Variants in SMYD3 observed in about 807,000 individuals in gnomAD.
The protein encoded by SMYD3 is SET and MYND domain containing 3.
In SMYD3, 36 loss-of-function variants were observed where a neutral mutation model predicts 57.7. The observed-to-expected ratio is 0.62, with a 90% CI of 0.48 to 0.82. The LOEUF is 0.82. Ranked by LOEUF, SMYD3 falls within the 40% of genes least tolerant of loss-of-function variation. The probability of loss-of-function intolerance (pLI) is 0.00; values close to 1 mark genes in which losing one functional copy is unlikely to be tolerated. For missense variants in SMYD3, 515 were observed against 538.8 expected, an observed-to-expected ratio of 0.96 and a Z score of 0.44; for synonymous variants, 211 against 195.0, an observed-to-expected ratio of 1.08 and a Z score of -0.68.
chr1:246,070,705 T>C (rs2060428097), intron 5 of SMYD3, among the ~76,000 whole-genome samples: 1 of 152,182 alleles, frequency 6.6e-6, no homozygotes, highest in Admixed American at 6.5e-5. Flanking sequence ...TGTGTTTACG[T>C]TCACCTAAGC....
intron 5 of SMYD3, among the ~76,000 whole-genome samples, chr1:246,190,395 G>A (rs1241298225): frequency 6.6e-6 from 1 of 151,986 alleles, no homozygotes; most frequent in African/African-American, 2.4e-5. Flanking sequence ...GACCAGTCTG[G>A]CCAATATGGT....
At chr1:245,926,354 C>A (rs185479282) in intron 7 of SMYD3, among the ~76,000 whole-genome samples, 1 of 152,316 alleles carries the variant, frequency 6.6e-6, no homozygotes, top group Admixed American at 6.5e-5. Flanking sequence ...TCAGCAAGAC[C>A]TACAAAATGG....
intron 7 of SMYD3, 24 bp from the exon 8 acceptor site, chr1:245,915,664 G>A (rs2055353813): frequency 1.4e-6 from 2 of 1,442,200 alleles, no homozygotes; most frequent in South Asian, 1.2e-5. Context: ...AGAGAGGGAA[G>A]CGCTGAAACA....
At chr1:246,413,981 G>A (rs1310680313) in intron 1 of SMYD3, among the ~76,000 whole-genome samples, 2 of 152,146 alleles carry the variant, frequency 1.3e-5, no homozygotes, top group Admixed American at 1.3e-4. Flanking sequence ...TCTTTTGATG[G>A]GCTAATGTAA....
rs539842994 is a variant in SMYD3 at position 246,088,488 on chromosome 1, T to C, written c.532-158551A>G. Among the ~76,000 whole-genome samples the C allele has an allele frequency of 1.9e-4, 25 of 130,262 alleles. 1 individual carries two copies. The highest frequency in any genetic ancestry group is 1.0e-3 in the South Asian group (4 of 3,872). The allele number at this position is 130,262 out of a possible 152,430, so 85.5% of individuals were successfully genotyped here. ...AGCCGGGCGTGGTGACAGGCGCCTGTAGTCCCAGCTACTCGGGAGGCTGAG... is the reference window on the plus strand; with the variant it reads ...AGCCGGGCGTGGTGACAGGCGCCTGCAGTCCCAGCTACTCGGGAGGCTGAG... On this transcript the variant is annotated intron_variant, in intron 5 of 11. Coordinates refer to ENST00000490107, the MANE Select transcript of SMYD3 (RefSeq NM_001167740.2).
At chr1:246,276,953 C>A (rs929317640) in intron 5 of SMYD3, among the ~76,000 whole-genome samples, 4 of 152,096 alleles carry the variant, frequency 2.6e-5, no homozygotes, top group Admixed American at 1.3e-4. Flanking sequence ...CGTATTAACA[C>A]TGGCAGGTTA....
At chr1:245,757,076 A>G (rs1431449153) in intron 11 of SMYD3, among the ~76,000 whole-genome samples, 1 of 152,082 alleles carries the variant, frequency 6.6e-6, no homozygotes, top group Non-Finnish European at 1.5e-5. Context: ...ACTACTATCC[A>G]TATAGCCATA....
At chr1:245,753,129 A>G (rs936492453) in intron 11 of SMYD3, among the ~76,000 whole-genome samples, 14 of 152,158 alleles carry the variant, frequency 9.2e-5, no homozygotes, top group Non-Finnish European at 2.1e-4. Flanking sequence ...GAACAGGGGC[A>G]ACCCTCAGGA....
intron 11 of SMYD3, among the ~76,000 whole-genome samples, chr1:245,760,420 G>T (rs1020677390): frequency 2.0e-5 from 3 of 152,134 alleles, no homozygotes. Flanking sequence ...TCTTCAGGAA[G>T]AAACTGACCT....
intron 5 of SMYD3, among the ~76,000 whole-genome samples, chr1:245,974,481 G>C (rs12406180): frequency 7.2e-6 from 1 of 139,362 alleles, no homozygotes; most frequent in Non-Finnish European, 1.6e-5. Flanking sequence ...CATCGTCTCC[G>C]GCCCAGGGAA....
At chr1:246,230,702 A>C (rs1407241266) in intron 5 of SMYD3, among the ~76,000 whole-genome samples, 1 of 152,250 alleles carries the variant, frequency 6.6e-6, no homozygotes, top group African/African-American at 2.4e-5. Flanking sequence ...CTCCCAGAGC[A>C]GAACTGTCCT....
intron 5 of SMYD3, among the ~76,000 whole-genome samples, chr1:245,949,440 G>A (rs996070907): frequency 5.9e-5 from 9 of 151,976 alleles, no homozygotes; most frequent in African/African-American, 1.7e-4. Context: ...CACGGATGCC[G>A]ATACAGCCAA....
intron 10 of SMYD3, among the ~76,000 whole-genome samples, chr1:245,766,797 A>G (rs1264465507): frequency 6.6e-6 from 1 of 152,334 alleles, no homozygotes; most frequent in South Asian, 2.1e-4. Flanking sequence ...CTTCAGTTCT[A>G]CGATGGCAGA....
chr1:245,799,238 A>C (rs1343527273), intron 10 of SMYD3, among the ~76,000 whole-genome samples: 1 of 152,102 alleles, frequency 6.6e-6, no homozygotes, highest in East Asian at 1.9e-4. Flanking sequence ...CAGCAACAAG[A>C]GCAACATCAC....
At chr1:246,346,424 T>C (rs989292956) in intron 2 of SMYD3, among the ~76,000 whole-genome samples, 8 of 152,182 alleles carry the variant, frequency 5.3e-5, no homozygotes, top group Non-Finnish European at 7.3e-5. Flanking sequence ...AGACATACTG[T>C]ATTAGTACAT....
intron 5 of SMYD3, among the ~76,000 whole-genome samples, chr1:245,981,887 G>A (rs1572841211): frequency 6.6e-6 from 1 of 152,206 alleles, no homozygotes; most frequent in Non-Finnish European, 1.5e-5. Flanking sequence ...TCAAAGAACT[G>A]TTGCTTCCAT....
chr1:245,793,108 G>C (rs533613717), intron 10 of SMYD3, among the ~76,000 whole-genome samples: 5,584 of 125,704 alleles, frequency 0.044, 149 homozygotes, highest in Non-Finnish European at 0.071. Context: ...AGGAGATCAA[G>C]ACCATCCTGG....
intron 10 of SMYD3, among the ~76,000 whole-genome samples, chr1:245,836,268 T>TA (rs2050101956): frequency 6.6e-6 from 1 of 152,336 alleles, no homozygotes; most frequent in South Asian, 2.1e-4. Flanking sequence ...CAGCCTGGTT[T>TA]CAGTTGAGCT....
At position 246,240,167 on chromosome 1, in the gene SMYD3, T is replaced by C. The variant is rs192021762; in HGVS notation, c.531+87034A>G. ...GTTTTAGTCATGAAGTCCTTGCCCC[T>C]CCCTAGGTCCTGAATGGTATTGCCT... is the stretch of plus-strand genomic sequence containing the variant. On this transcript the variant is annotated intron_variant, in intron 5 of 11. Transcript: ENST00000490107. Among the ~76,000 whole-genome samples, 1,301 of 152,280 alleles carry C rather than the reference T, an allele frequency of 8.5e-3. 13 individuals carry two copies. Among genetic ancestry groups the C allele is most frequent in the Middle Eastern group, 0.024 (7 of 294 alleles).
Sources: allele counts gnomAD v4.1 joint callset (sites outside exome capture counted in the v4.1 genomes callset), GRCh38; gene constraint gnomAD v4.1.1; transcripts MANE v1.5; gene names NCBI Gene and HGNC (gene_info 2026-07-23, HGNC 2026-07-21).